SLC22A5: variants seen among roughly 807,000 people sequenced by gnomAD.
The protein encoded by SLC22A5 is solute carrier family 22 member 5.
In SLC22A5, 44 loss-of-function variants were observed where a neutral mutation model predicts 56.7. That is an observed-to-expected ratio of 0.78 (90% confidence interval 0.61 to 1.00). The LOEUF (loss-of-function observed/expected upper bound fraction) is 1.00. Ranked by LOEUF, SLC22A5 falls within the 50% of genes least tolerant of loss-of-function variation. The pLI, the probability that SLC22A5 is intolerant of heterozygous loss-of-function variation, is 0.00. For synonymous variants in SLC22A5, 278 were observed against 292.1 expected, an observed-to-expected ratio of 0.95 and a Z score of 0.49; for missense variants, 675 against 723.0, an observed-to-expected ratio of 0.93 and a Z score of 0.76.
At position 132,387,134 on chromosome 5, in the gene SLC22A5, A is replaced by C. The variant is rs77300588; in HGVS notation, c.934A>C (p.Ile312Leu). 1 of 1,613,994 alleles carries C rather than the reference A, an allele frequency of 6.2e-7. No homozygotes were observed. Among genetic ancestry groups the C allele is most frequent in the Non-Finnish European group, 8.5e-7 (1 of 1,180,000 alleles). ...CAATGGGATTGTTGTGCCTTCCACTATCTTTGACCCGAGTGAGGTAAGCAC... is the reference window on the plus strand; with the variant it reads ...CAATGGGATTGTTGTGCCTTCCACTCTCTTTGACCCGAGTGAGGTAAGCAC... ...KANGIVVPST[I>L]FDPSELQDLS... The change falls in exon 5 of 10, where the codon ATC becomes CTC. Residue 312 changes from isoleucine to leucine, a missense_variant. Coordinates refer to ENST00000245407, the MANE Select transcript of SLC22A5 (RefSeq NM_003060.4).
chr5:132,376,067 ATCCACCTCT>A (rs1357098639), intron 1 of SLC22A5: 1 of 152,198 alleles, frequency 6.6e-6, no homozygotes, highest in Non-Finnish European at 1.5e-5. Flanking sequence ...TGTGCTTCTC[ATCCACCTCT>A]TCTCAGGGAG....
intron 2 of SLC22A5, 50 bp from the exon 3 acceptor site, chr5:132,384,097 C>G (rs1314933503): frequency 6.2e-7 from 1 of 1,600,606 alleles, no homozygotes; most frequent in Non-Finnish European, 8.6e-7. Context: ...GGAGCCCATT[C>G]CTGCTGCCCT....
At chr5:132,388,415 C>T (rs1034137612) in intron 5 of SLC22A5, among the ~76,000 whole-genome samples, 2 of 152,204 alleles carry the variant, frequency 1.3e-5, no homozygotes, top group Non-Finnish European at 2.9e-5. Flanking sequence ...CTGGGTGAAG[C>T]TCAGGTCAAT....
chr5:132,387,595 CTT>C (rs1421025934), intron 5 of SLC22A5, among the ~76,000 whole-genome samples: 3 of 152,212 alleles, frequency 2.0e-5, no homozygotes, highest in South Asian at 4.1e-4. Flanking sequence ...TATTTCATCT[CTT>C]GAGTATTAGC....
chr5:132,389,313 G>GT (rs1752629263), intron 6 of SLC22A5: 1 of 393,404 alleles, frequency 2.5e-6, no homozygotes, highest in Admixed American at 3.6e-5. Flanking sequence ...GGGTCATTTA[G>GT]TTCCCGTCTC....
chr5:132,375,709 C>G (rs1431089682), intron 1 of SLC22A5, among the ~76,000 whole-genome samples: 1 of 152,190 alleles, frequency 6.6e-6, no homozygotes, highest in Non-Finnish European at 1.5e-5. Flanking sequence ...TCTCTACACC[C>G]TTGAAACCAT....
At chr5:132,385,637 T>C in intron 4 of SLC22A5, 138 bp downstream of exon 4, 1 of 781,958 alleles carries the variant, frequency 1.3e-6, no homozygotes, top group Non-Finnish European at 2.2e-6. Flanking sequence ...TATTTCAGAA[T>C]GTTTTCTCCA....
At chr5:132,388,877 T>G in intron 5 of SLC22A5, 44 bp from the exon 6 acceptor site, 1 of 1,258,692 alleles carries the variant, frequency 7.9e-7, no homozygotes, top group African/African-American at 1.5e-5. Flanking sequence ...TCTGAGTCTC[T>G]GACCACCTCT....
intron 2 of SLC22A5, 96 bp downstream of exon 2, chr5:132,378,577 G>T: frequency 1.1e-6 from 1 of 893,302 alleles, no homozygotes; most frequent in South Asian, 1.3e-5. Flanking sequence ...TTCTTTCAGC[G>T]CAGGGCCCTG....
intron 6 of SLC22A5, chr5:132,389,497 C>A (rs147865162): frequency 4.8e-4 from 97 of 200,834 alleles, no homozygotes; most frequent in African/African-American, 2.2e-3. Flanking sequence ...AGGGCTATAG[C>A]CTAGATGTCC....
Position 132,378,186 on chromosome 5 carries a change from C to A in SLC22A5, c.394-192C>A, listed in dbSNP as rs1204939018. On this transcript the variant is annotated intron_variant, in intron 1 of 9. Coordinates refer to ENST00000245407, the MANE Select transcript of SLC22A5 (RefSeq NM_003060.4). Reference sequence around the variant, plus strand: ...AAGCAAGACAGTGGGGCCTACAATGCTATGAAAAACAGGATGGGAAAGAAG... The same window carrying A: ...AAGCAAGACAGTGGGGCCTACAATGATATGAAAAACAGGATGGGAAAGAAG... The A allele has an allele frequency of 3.7e-6, 6 of 1,601,182 alleles. No homozygotes were observed. The South Asian group carries it at 5.6e-5, about 15-fold the overall frequency.
chr5:132,381,788 G>A (rs1752357555), intron 2 of SLC22A5: 1 of 152,142 alleles, frequency 6.6e-6, no homozygotes, highest in Non-Finnish European at 1.5e-5. Flanking sequence ...CCATTTTGTT[G>A]ACAGACTTTA....
At chr5:132,389,432 A>T (rs1580891046) in intron 6 of SLC22A5, 1 of 314,726 alleles carries the variant, frequency 3.2e-6, no homozygotes, top group South Asian at 2.8e-5. Context: ...TACTTTCTGG[A>T]AATGTGGAAG....
intron 2 of SLC22A5, chr5:132,379,141 A>C (rs905550410): frequency 6.4e-6 from 1 of 157,208 alleles, no homozygotes; most frequent in Non-Finnish European, 1.4e-5. Flanking sequence ...AAACCCCTCG[A>C]AATTATATGC....
intron 1 of SLC22A5, among the ~76,000 whole-genome samples, chr5:132,371,410 C>T (rs938374281): frequency 1.3e-5 from 2 of 152,020 alleles, no homozygotes; most frequent in African/African-American, 4.8e-5. Context: ...TGTAGGGGAG[C>T]CTTTCTCATT....
Position 132,370,316 on chromosome 5 carries a change from A to T in SLC22A5, c.344A>T (p.Asp115Val). ...LGQLEQESCL[D>V]GWEFSQDVYL... ...CAGCTGGAGCAGGAGAGCTGTCTGGATGGCTGGGAGTTCAGTCAGGACGTC... is the reference window on the plus strand; with the variant it reads ...CAGCTGGAGCAGGAGAGCTGTCTGGTTGGCTGGGAGTTCAGTCAGGACGTC... The change falls in exon 1 of 10, where the codon GAT becomes GTT. Residue 115 changes from aspartate to valine, a missense_variant. Asp to Val is a radical substitution (Grantham distance 152). Transcript: ENST00000245407. 6.2e-7 allele frequency: 1 copy of T among 1,611,740 alleles called. No individual in the cohort carries two copies. Among genetic ancestry groups the T allele is most frequent in the Non-Finnish European group, 8.5e-7 (1 of 1,179,516 alleles).
intron 1 of SLC22A5, chr5:132,376,132 A>G (rs1752131763): frequency 6.6e-6 from 1 of 152,246 alleles, no homozygotes; most frequent in Admixed American, 6.5e-5. Context: ...CTGGTGGTTG[A>G]CAGATATGTG....
chr5:132,393,610 AG>A, intron 8 of SLC22A5, 65 bp from the exon 9 acceptor site: 1 of 1,579,796 alleles, frequency 6.3e-7, no homozygotes, highest in African/African-American at 1.3e-5. Context: ...GGGAGCATAA[AG>A]GGGTAGATGA....
intron 4 of SLC22A5, 96 bp from the exon 5 acceptor site, chr5:132,386,929 C>T: frequency 7.5e-7 from 1 of 1,330,230 alleles, no homozygotes; most frequent in Non-Finnish European, 1.1e-6. Flanking sequence ...AGCTCTGGTT[C>T]TGCAACCTTA....
Sources: gnomAD v4.1 joint callset for allele counts (sites outside exome capture counted in the v4.1 genomes callset) on GRCh38, gnomAD v4.1.1 for gene constraint, MANE v1.5 for transcripts, NCBI Gene and HGNC (gene_info 2026-07-23, HGNC 2026-07-21) for gene names.